The following PLCB1 variants were observed in gnomAD, a reference collection of about 807,000 sequenced individuals.
PLCB1 encodes 1-phosphatidylinositol 4,5-bisphosphate phosphodiesterase beta-1.
PLCB1 carries 46 observed loss-of-function variants against 161.8 expected under a neutral mutation model. That is an observed-to-expected ratio of 0.28 (90% CI 0.22 to 0.36). PLCB1 has a LOEUF of 0.36. PLCB1 is among the 10% of genes least tolerant of loss of function. The probability of loss-of-function intolerance (pLI) is 1.00; values close to 1 mark genes in which losing one functional copy is unlikely to be tolerated. For missense variants in PLCB1, 1,016 were observed against 1,472.5 expected (o/e 0.69, Z 5.07); for synonymous variants, 517 against 503.7 (o/e 1.03, Z -0.35).
At chr20:8,716,377 G>C in intron 13 of PLCB1, 29 bp downstream of exon 13, 2 of 1,470,162 alleles carry the variant, frequency 1.4e-6, no homozygotes, top group Non-Finnish European at 1.9e-6. Flanking sequence ...TGTCCTTGAA[G>C]GAATGTATGC....
chr20:8,451,269 A>G (rs1030597267), intron 3 of PLCB1, among the ~76,000 whole-genome samples: 2 of 152,212 alleles, frequency 1.3e-5, no homozygotes, highest in Non-Finnish European at 2.9e-5. Context: ...CAAAGGAAAA[A>G]ATAACAATTT....
intron 2 of PLCB1, among the ~76,000 whole-genome samples, chr20:8,274,370 C>T (rs1249541068): frequency 6.6e-6 from 1 of 151,970 alleles, no homozygotes; most frequent in Non-Finnish European, 1.5e-5. Flanking sequence ...TAACATGAAG[C>T]CTTAAAATTT....
rs1568667997 is a variant in PLCB1, at chr20:8,417,071, ATATTTTTTTTTTTT to A, written c.246+45623_246+45636del. On this transcript the variant is annotated intron_variant, in intron 3 of 31. Coordinates refer to ENST00000338037, the MANE Select transcript of PLCB1 (RefSeq NM_015192.4). ...CACACACACATATATATATATATAT[ATATTTTTTTTTTTT>A]TTTTTTTTTTTTTTTTTTTGAGATG... is the stretch of plus-strand genomic sequence containing the variant. Among the ~76,000 whole-genome samples the A allele has an allele frequency of 2.8e-3, 147 of 51,670 alleles. 11 individuals are homozygous for A. In the South Asian group the frequency reaches 0.06, roughly 21 times the overall value. The allele number at this position is 51,670 out of a possible 152,430, so 33.9% of individuals were successfully genotyped here. A position where few individuals can be genotyped will look rare whatever the true frequency, so the allele number is the denominator to read the frequency against.
At chr20:8,867,943 CTTAA>C (rs1309895956) in intron 31 of PLCB1, among the ~76,000 whole-genome samples, 1 of 152,000 alleles carries the variant, frequency 6.6e-6, no homozygotes, top group Non-Finnish European at 1.5e-5. Context: ...ACAATAAGCA[CTTAA>C]TTAATTTTAA....
At chr20:8,214,973 A>G (rs1979040812) in intron 2 of PLCB1, among the ~76,000 whole-genome samples, 1 of 152,160 alleles carries the variant, frequency 6.6e-6, no homozygotes, top group Admixed American at 6.6e-5. Context: ...TTGCTGAAAT[A>G]GGTTTCCCAC....
chr20:8,836,456 A>ACGAAGACTGATACAGATTTTTGTC (rs1425319817), intron 31 of PLCB1, among the ~76,000 whole-genome samples: 1 of 75,708 alleles, frequency 1.3e-5, no homozygotes, highest in African/African-American at 3.4e-5. Context: ...TCTCTGGAGA[A>ACGAAGACTGATACAGATTTTTGTC]CCAAGACTGA....
At chr20:8,496,492 AG>A (rs1247845870) in intron 3 of PLCB1, among the ~76,000 whole-genome samples, 2 of 152,220 alleles carry the variant, frequency 1.3e-5, no homozygotes, top group African/African-American at 4.8e-5. Flanking sequence ...AGGGAGATGC[AG>A]GGTAATTGAT....
chr20:8,506,096 C>G (rs1330288288), intron 3 of PLCB1, among the ~76,000 whole-genome samples: 1 of 152,154 alleles, frequency 6.6e-6, no homozygotes, highest in Non-Finnish European at 1.5e-5. Context: ...AGATGCTGTT[C>G]TTTTATAACT....
chr20:8,461,296 G>A (rs1401032122), intron 3 of PLCB1, among the ~76,000 whole-genome samples: 1 of 152,130 alleles, frequency 6.6e-6, no homozygotes, highest in East Asian at 1.9e-4. Context: ...TTTGGGGGCA[G>A]ACTCATAGAA....
chr20:8,315,373 A>G (rs539635076), intron 2 of PLCB1, among the ~76,000 whole-genome samples: 1 of 152,312 alleles, frequency 6.6e-6, no homozygotes, highest in Admixed American at 6.5e-5. Context: ...ATTTTCTGCA[A>G]AATGTCTCTT....
At chr20:8,719,486 A>G (rs1177149033) in intron 14 of PLCB1, among the ~76,000 whole-genome samples, 1 of 152,240 alleles carries the variant, frequency 6.6e-6, no homozygotes, top group African/African-American at 2.4e-5. Flanking sequence ...ATCTATAACT[A>G]AATGAAAACT....
chr20:8,437,365 G>T (rs577397404), intron 3 of PLCB1, among the ~76,000 whole-genome samples: 16 of 152,168 alleles, frequency 1.1e-4, no homozygotes, highest in Admixed American at 7.2e-4. Flanking sequence ...TTACCTAATA[G>T]TACAGGAATA....
rs963824715 is a variant in PLCB1 at position 8,498,258 on chromosome 20, C to T, written c.246+126808C>T. On this transcript the variant is annotated intron_variant, in intron 3 of 31. Coordinates refer to ENST00000338037, the MANE Select transcript of PLCB1 (RefSeq NM_015192.4). ...AATTACAGGCACGTGCCACCACGCC[C>T]GGGTAATTTTTTGTATTTCAGTAAG... 9.2e-5 allele frequency among the ~76,000 whole-genome samples: 14 copies of T among 152,192 alleles called. No individual in the cohort carries two copies. The South Asian group carries it at 1.0e-3, about 11-fold the overall frequency.
chr20:8,709,494 A>G (rs1978875853), intron 12 of PLCB1, among the ~76,000 whole-genome samples: 1 of 152,166 alleles, frequency 6.6e-6, no homozygotes, highest in Non-Finnish European at 1.5e-5. Flanking sequence ...AGATTTTTCA[A>G]CTAAAAGCCA....
Position 8,628,440 on chromosome 20 carries a change from G to T in PLCB1, c.384+9G>T. On this transcript the variant is annotated intron_variant, in intron 4 of 31. Coordinates refer to ENST00000338037, the MANE Select transcript of PLCB1 (RefSeq NM_015192.4). ...AAGAAGAAGTGGCCAAGGTATGGTG[G>T]ATGGAAATTGCTAAAGCTTATCATC... 1 of 1,613,826 alleles carries T rather than the reference G, an allele frequency of 6.2e-7. No individual in the cohort carries two copies. The highest frequency in any genetic ancestry group is 1.1e-5 in the South Asian group (1 of 91,058).
intron 9 of PLCB1, among the ~76,000 whole-genome samples, chr20:8,673,646 CATTTACGGCTGA>C (rs768503957): frequency 1.5e-4 from 23 of 152,054 alleles, no homozygotes; most frequent in Non-Finnish European, 2.8e-4. Context: ...TTTGTAGTGT[CATTTACGGCTGA>C]ATTTGGAATT....
intron 23 of PLCB1, among the ~76,000 whole-genome samples, chr20:8,748,064 T>C (rs1376949798): frequency 6.6e-6 from 1 of 152,184 alleles, no homozygotes; most frequent in Admixed American, 6.5e-5. Flanking sequence ...TTCTTCCTCC[T>C]TCAAATCTTC....
chr20:8,565,849 A>G (rs567733831), intron 3 of PLCB1, among the ~76,000 whole-genome samples: 5 of 152,184 alleles, frequency 3.3e-5, no homozygotes, highest in African/African-American at 1.2e-4. Flanking sequence ...TCCAACTGCC[A>G]TTTTGGACTG....
intron 3 of PLCB1, among the ~76,000 whole-genome samples, chr20:8,541,605 A>AAAGAAGG: frequency 6.7e-6 from 1 of 149,992 alleles, no homozygotes; most frequent in South Asian, 2.1e-4. Context: ...AGAAAGAAAG[A>AAAGAAGG]AAGGAAGGAA....
Sources: gnomAD v4.1 joint callset for allele counts (sites outside exome capture counted in the v4.1 genomes callset) on GRCh38, gnomAD v4.1.1 for gene constraint, MANE v1.5 for transcripts, NCBI Gene and HGNC (gene_info 2026-07-23, HGNC 2026-07-21) for gene names.